Variants in IL15 observed in about 807,000 individuals in gnomAD.
IL15 encodes interleukin 15.
IL15 carries 11 observed loss-of-function variants against 19.6 expected under a neutral mutation model. That is an observed-to-expected ratio of 0.56 (90% CI 0.35 to 0.93). The LOEUF is 0.93. Among genes scored for constraint, IL15 ranks in the 40% least tolerant of loss-of-function variants. The pLI, the probability that IL15 is intolerant of heterozygous loss-of-function variation, is 0.01. For missense variants in IL15, 197 were observed against 186.5 expected, an observed-to-expected ratio of 1.06 and a Z score of -0.33; for synonymous variants, 58 against 59.6, an observed-to-expected ratio of 0.97 and a Z score of 0.12.
intron 1 of IL15, among the ~76,000 whole-genome samples, chr4:141,649,515 A>C (rs766747503): frequency 6.6e-6 from 1 of 152,178 alleles, no homozygotes; most frequent in South Asian, 2.1e-4. Context: ...TGGTGCAATT[A>C]ATAAGAATTA....
At chr4:141,723,180 A>T (rs1053411236) in intron 5 of IL15, among the ~76,000 whole-genome samples, 1 of 152,178 alleles carries the variant, frequency 6.6e-6, no homozygotes, top group Non-Finnish European at 1.5e-5. Flanking sequence ...AGACAGAAAA[A>T]GATATAGCAT....
intron 2 of IL15, among the ~76,000 whole-genome samples, chr4:141,663,406 T>G (rs1235183815): frequency 6.6e-6 from 1 of 152,172 alleles, no homozygotes; most frequent in African/African-American, 2.4e-5. Context: ...GATCATAGTT[T>G]TATGTGACAC....
At chr4:141,720,184 T>C (rs2152189610) in intron 3 of IL15, among the ~76,000 whole-genome samples, 1 of 152,226 alleles carries the variant, frequency 6.6e-6, no homozygotes, top group South Asian at 2.1e-4. Context: ...AGTGGTGACA[T>C]TGGTATGTAT....
chr4:141,670,956 T>C (rs1039641748), intron 2 of IL15, among the ~76,000 whole-genome samples: 2 of 152,196 alleles, frequency 1.3e-5, no homozygotes, highest in Admixed American at 1.3e-4. Flanking sequence ...GGCTCATGTA[T>C]GCATTGCACA....
At chr4:141,677,850 G>A (rs1728398562) in intron 2 of IL15, among the ~76,000 whole-genome samples, 1 of 152,180 alleles carries the variant, frequency 6.6e-6, no homozygotes. Context: ...ACAATCACAG[G>A]AGTGATACGT....
At chr4:141,669,776 A>AT (rs3075127) in intron 2 of IL15, among the ~76,000 whole-genome samples, 44 of 149,126 alleles carry the variant, frequency 3.0e-4, no homozygotes, top group South Asian at 1.1e-3. Context: ...TATTCTTTGT[A>AT]TTTTTTTTTT....
chr4:141,684,070 G>A (rs1385786619), intron 2 of IL15, among the ~76,000 whole-genome samples: 1 of 152,140 alleles, frequency 6.6e-6, no homozygotes, highest in African/African-American at 2.4e-5. Context: ...GACCCTGTTG[G>A]GGATATGTGT....
chr4:141,732,651 T>C, intron 7 of IL15, 87 bp from the exon 8 acceptor site: 2 of 1,536,912 alleles, frequency 1.3e-6, no homozygotes, highest in Non-Finnish European at 1.8e-6. Flanking sequence ...CACCATATGG[T>C]TCAAACGATA....
rs768180060 is a variant in IL15 at position 141,720,535 on chromosome 4, A to G, written c.79A>G (p.Thr27Ala). The change falls in exon 4 of 8, where the codon ACT (threonine) becomes GCT (alanine). Residue 27 changes from threonine to alanine, a missense_variant. Physicochemically the swap from Thr to Ala is moderately conservative, Grantham distance 58. Transcript: ENST00000320650. Reference sequence around the variant, plus strand: ...TTTACTTCTAAACAGTCATTTTCTAACTGAAGCTGGCATTCATGTCTTCAT... The same window carrying G: ...TTTACTTCTAAACAGTCATTTTCTAGCTGAAGCTGGCATTCATGTCTTCAT... ...LCLLLNSHFL[T>A]EAGIHVFILG... is the part of the protein sequence containing the mutation. The G allele has an allele frequency of 6.3e-7, 1 of 1,591,154 alleles. No homozygotes were observed. Among genetic ancestry groups the G allele is most frequent in the South Asian group, 1.1e-5 (1 of 90,570 alleles).
rs1273735866 is a variant in IL15 at position 141,733,563 on chromosome 4, G to A, written c.*715G>A. 1.3e-5 allele frequency: 2 copies of A among 152,202 alleles called. No homozygotes were observed. Among genetic ancestry groups the A allele is most frequent in the Non-Finnish European group, 2.9e-5 (2 of 68,050 alleles). 9.4% of individuals were successfully genotyped at this position (152,202 alleles called of 1,614,324 possible). On this transcript the variant is annotated 3_prime_UTR_variant, in exon 8 of 8. Transcript: ENST00000320650. ...TCCAATCACGGATTGCAGGCCACATGCGGCCCAGGACAACTTTGAATGTGG... is the reference window on the plus strand; with the variant it reads ...TCCAATCACGGATTGCAGGCCACATACGGCCCAGGACAACTTTGAATGTGG...
intron 1 of IL15, among the ~76,000 whole-genome samples, chr4:141,645,836 C>T (rs960099868): frequency 4.6e-5 from 7 of 152,028 alleles, no homozygotes; most frequent in African/African-American, 1.7e-4. Context: ...GTTGTCTGGG[C>T]TCCTTGGTTC....
At chr4:141,650,911 C>G (rs1360591452) in intron 1 of IL15, among the ~76,000 whole-genome samples, 2 of 152,008 alleles carry the variant, frequency 1.3e-5, no homozygotes, top group Non-Finnish European at 2.9e-5. Context: ...GCCTAGGGTC[C>G]AAGTCTCTAG....
At chr4:141,713,185 TTGCTGAAAATGTCTTAG>T (rs1380091527) in intron 2 of IL15, among the ~76,000 whole-genome samples, 1 of 152,154 alleles carries the variant, frequency 6.6e-6, no homozygotes. Context: ...TTGAAAGCAA[TTGCTGAAAATGTCTTAG>T]TGCGATTAAT....
intron 1 of IL15, among the ~76,000 whole-genome samples, chr4:141,639,415 G>A (rs79270062): frequency 0.039 from 5,905 of 152,208 alleles, 371 homozygotes; most frequent in African/African-American, 0.13. Context: ...TCATTTGAGT[G>A]TCAAATATGT....
intron 1 of IL15, among the ~76,000 whole-genome samples, chr4:141,640,266 T>C (rs1339871993): frequency 1.3e-5 from 2 of 152,060 alleles, no homozygotes; most frequent in African/African-American, 4.8e-5. Context: ...TATGTCCTCA[T>C]TGAATTTGAA....
chr4:141,700,793 T>C (rs143697399), intron 2 of IL15, among the ~76,000 whole-genome samples: 323 of 152,312 alleles, frequency 2.1e-3, no homozygotes, highest in African/African-American at 7.4e-3. Context: ...CATAATCCCA[T>C]ATTTCTTGGA....
Position 141,690,026 on chromosome 4 carries a change from C to T in IL15, c.-99-29340C>T, listed in dbSNP as rs550440064. On this transcript the variant is annotated intron_variant, in intron 2 of 7. Transcript: ENST00000320650. Reference sequence around the variant, plus strand: ...CTGCAGGAAGGCAGCTAAGGCCCGGCGAGAAATCGAGCACAGCGCTGGTGG... The same window carrying T: ...CTGCAGGAAGGCAGCTAAGGCCCGGTGAGAAATCGAGCACAGCGCTGGTGG... 7.2e-5 allele frequency among the ~76,000 whole-genome samples: 11 copies of T among 152,294 alleles called. No individual in the cohort carries two copies. In the South Asian group the frequency reaches 8.3e-4, roughly 11 times the overall value.
intron 1 of IL15, among the ~76,000 whole-genome samples, chr4:141,638,826 C>T (rs532415062): frequency 4.6e-4 from 70 of 152,194 alleles, no homozygotes; most frequent in African/African-American, 1.6e-3. Context: ...GGAAAATATC[C>T]GTAACTTTGA....
intron 2 of IL15, among the ~76,000 whole-genome samples, chr4:141,701,974 G>C (rs978167299): frequency 1.3e-5 from 2 of 152,174 alleles, no homozygotes; most frequent in African/African-American, 4.8e-5. Flanking sequence ...ACCATGAATG[G>C]TTCCAGGAAG....
Sources: gnomAD v4.1 joint callset for allele counts (sites outside exome capture counted in the v4.1 genomes callset) on GRCh38, gnomAD v4.1.1 for gene constraint, MANE v1.5 for transcripts, NCBI Gene and HGNC (gene_info 2026-07-23, HGNC 2026-07-21) for gene names.